Variants in CTSS observed in about 807,000 individuals in gnomAD.
CTSS encodes the protein cathepsin S.
Under a neutral mutation model 39.9 loss-of-function variants are expected in CTSS, and 15 were observed. The observed-to-expected ratio is 0.38, with a 90% CI of 0.25 to 0.58. The LOEUF (loss-of-function observed/expected upper bound fraction) is 0.58. Among genes scored for constraint, CTSS ranks in the 20% least tolerant of loss-of-function variants. The pLI, the probability that CTSS is intolerant of heterozygous loss-of-function variation, is 0.70. For synonymous variants in CTSS, 126 were observed against 138.2 expected (o/e 0.91, Z 0.62); for missense variants, 250 against 398.2 (o/e 0.63, Z 3.17).
chr1:150,761,005 C>T (rs1454755801), intron 2 of CTSS, among the ~76,000 whole-genome samples: 3 of 151,218 alleles, frequency 2.0e-5, no homozygotes, highest in East Asian at 1.9e-4. Flanking sequence ...ATGGTGAAAC[C>T]CCATCTCTAC....
chr1:150,742,062 C>T (rs1652779373), intron 7 of CTSS, among the ~76,000 whole-genome samples: 1 of 151,934 alleles, frequency 6.6e-6, no homozygotes, highest in South Asian at 2.1e-4. Flanking sequence ...CATGGTGAAA[C>T]TCCATCCAAC....
Position 150,745,994 on chromosome 1 carries a change from T to C in CTSS, c.896+1783A>G, listed in dbSNP as rs35319294. ...TGATTCCCAGAATCTGTTCATCTTA[T>C]ACCTGAAAGTTTACACTCTTTGATC... On this transcript the variant is annotated intron_variant, in intron 7 of 7. Coordinates refer to ENST00000368985, the MANE Select transcript of CTSS (RefSeq NM_004079.5). Among the ~76,000 whole-genome samples, 897 of 152,302 alleles carry C rather than the reference T, an allele frequency of 5.9e-3. 3 individuals are homozygous for C. Among genetic ancestry groups the C allele is most frequent in the Non-Finnish European group, 9.4e-3 (641 of 68,026 alleles).
Position 150,763,286 on chromosome 1 carries a change from C to T in CTSS, c.126+1352G>A, listed in dbSNP as rs1653302333. 2.6e-5 allele frequency among the ~76,000 whole-genome samples: 4 copies of T among 151,808 alleles called. No individual in the cohort carries two copies. In the South Asian group the frequency reaches 8.3e-4, roughly 32 times the overall value. On this transcript the variant is annotated intron_variant, in intron 2 of 7. Coordinates refer to ENST00000368985, the MANE Select transcript of CTSS (RefSeq NM_004079.5). Reference sequence around the variant, plus strand: ...AGAATGGTGGTTAGCAGAGGCTGGGCGGAGGGTAGACAGGGAAAGGGGAGA... The same window carrying T: ...AGAATGGTGGTTAGCAGAGGCTGGGTGGAGGGTAGACAGGGAAAGGGGAGA...
intron 6 of CTSS, among the ~76,000 whole-genome samples, chr1:150,748,495 G>A (rs1652939114): frequency 6.7e-6 from 1 of 149,980 alleles, no homozygotes; most frequent in African/African-American, 2.5e-5. Context: ...TTTTAAACTT[G>A]CATACAATCA....
chr1:150,742,312 A>G (rs1202661951), intron 7 of CTSS, among the ~76,000 whole-genome samples: 1 of 152,098 alleles, frequency 6.6e-6, no homozygotes, highest in Non-Finnish European at 1.5e-5. Flanking sequence ...AAGAATGCCC[A>G]TTTCACCAAG....
chr1:150,751,967 G>A lies in CTSS; in HGVS notation c.441C>T (p.Ala147=). Reference sequence around the variant, plus strand: ...TTTTCAGCTTCAGCTGTGCTTCCAGGGCCCCCACAGCACTGAAAGCCCAGC... The same window carrying A: ...TTTTCAGCTTCAGCTGTGCTTCCAGAGCCCCCACAGCACTGAAAGCCCAGC... ...GACWAFSAVG[A]LEAQLKLKTG... The change falls in exon 5 of 8, where the codon GCC becomes GCT. Residue 147 remains alanine, a synonymous_variant. Transcript: ENST00000368985. 1 of 1,614,082 alleles carries A rather than the reference G, an allele frequency of 6.2e-7. No homozygotes were observed. The highest frequency in any genetic ancestry group is 8.5e-7 in the Non-Finnish European group (1 of 1,180,022).
At position 150,733,086 on chromosome 1, in the gene CTSS, T is replaced by G; in HGVS notation, c.956A>C (p.His319Pro). 1.2e-6 allele frequency: 2 copies of G among 1,613,858 alleles called. No homozygotes were observed. Among genetic ancestry groups the G allele is most frequent in the East Asian group, 2.2e-5 (1 of 44,834 alleles). ...YIRMARNKGN[H>P]CGIASFPSYP... The stretch of plus-strand genomic sequence containing the variant: ...AGAGGGAAAGCTAGCAATCCCACAA[T>G]GATTTCCTTTATTTCTTGCCATCCG... The change falls in exon 8 of 8, where the codon CAT becomes CCT. Residue 319 changes from histidine to proline, a missense_variant. Physicochemically the swap from His to Pro is moderately conservative, Grantham distance 77 (BLOSUM62 -2). Coordinates refer to ENST00000368985, the MANE Select transcript of CTSS (RefSeq NM_004079.5).
chr1:150,757,932 C>A lies in CTSS; in HGVS notation c.175G>T (p.Val59Leu). 6.2e-7 allele frequency: 1 copy of A among 1,613,930 alleles called. No individual in the cohort carries two copies. Among genetic ancestry groups the A allele is most frequent in the Non-Finnish European group, 8.5e-7 (1 of 1,179,896 alleles). Residue 59 changes from valine to leucine, a missense_variant, in exon 3 of 8, where the codon GTG becomes TTG. By Grantham distance (32) the Val-to-Leu change is conservative. Coordinates refer to ENST00000368985, the MANE Select transcript of CTSS (RefSeq NM_004079.5). ...GAATGCTCCAGGTTGTGAAGCATCA[C>A]AAACTTTAGATTCTTTTCCCAGATG... ...RLIWEKNLKF[V>L]MLHNLEHSMG... is the part of the protein sequence containing the mutation.
rs752106590 is a variant in CTSS at position 150,755,118 on chromosome 1, G to A, written c.282C>T (p.Ser94=). The A allele has an allele frequency of 6.1e-5, 98 of 1,613,946 alleles. No homozygotes were observed. Among genetic ancestry groups the A allele is most frequent in the Non-Finnish European group, 7.8e-5 (92 of 1,180,016 alleles). ...TCTGCCACTGGCTGGGAACTCTCAG[G>A]GAACTCATCAAAGACATCACTTCTT... ...TSEEVMSLMS[S]LRVPSQWQRN... Residue 94 remains serine (S), a synonymous_variant, in exon 4 of 8, where the codon TCC becomes TCT. Coordinates refer to ENST00000368985, the MANE Select transcript of CTSS (RefSeq NM_004079.5).
intron 3 of CTSS, among the ~76,000 whole-genome samples, chr1:150,757,371 CAGTCTACCT>C (rs1419282981): frequency 6.6e-6 from 1 of 152,316 alleles, no homozygotes; most frequent in African/African-American, 2.4e-5. Context: ...AGAAGGAATT[CAGTCTACCT>C]AGGGCGTTCC....
intron 6 of CTSS, among the ~76,000 whole-genome samples, chr1:150,749,742 T>C (rs1203957993): frequency 6.6e-6 from 1 of 151,770 alleles, no homozygotes; most frequent in Non-Finnish European, 1.5e-5. Context: ...CTCAAATTCC[T>C]GGGTTCAAGG....
intron 4 of CTSS, 63 bp downstream of exon 4, chr1:150,754,938 A>T: frequency 1.3e-6 from 2 of 1,512,896 alleles, no homozygotes; most frequent in Non-Finnish European, 1.8e-6. Flanking sequence ...CAAATTCTGT[A>T]GCTAGACTAA....
At chr1:150,760,178 G>A (rs1653223398) in intron 2 of CTSS, among the ~76,000 whole-genome samples, 1 of 152,170 alleles carries the variant, frequency 6.6e-6, no homozygotes, top group Admixed American at 6.5e-5. Context: ...GCACATCTAA[G>A]TCCAGTCAAT....
intron 5 of CTSS, among the ~76,000 whole-genome samples, chr1:150,750,485 G>A (rs941073998): frequency 6.6e-6 from 1 of 152,120 alleles, no homozygotes; most frequent in African/African-American, 2.4e-5. Flanking sequence ...CTAGATGAGA[G>A]CTTTAAAATC....
rs150955279 is a variant in CTSS, at chr1:150,755,086, A to G, written c.314T>C (p.Ile105Thr). The change falls in exon 4 of 8, where the codon ATC becomes ACC. Residue 105 changes from isoleucine (I) to threonine (T), a missense_variant. Coordinates refer to ENST00000368985, the MANE Select transcript of CTSS (RefSeq NM_004079.5). ...CCGATTAGGGTTTGACTTATATGTGATATTTCTCTGCCACTGGCTGGGAAC... is the reference window on the plus strand; with the variant it reads ...CCGATTAGGGTTTGACTTATATGTGGTATTTCTCTGCCACTGGCTGGGAAC... ...LRVPSQWQRNITYKSNPNRIL... is the reference protein window; with the variant it reads ...LRVPSQWQRNTTYKSNPNRIL... The G allele has an allele frequency of 1.2e-6, 2 of 1,614,192 alleles. No homozygotes were observed. The highest frequency in any genetic ancestry group is 8.5e-7 in the Non-Finnish European group (1 of 1,180,026).
chr1:150,741,531 T>C (rs1342141466), intron 7 of CTSS, among the ~76,000 whole-genome samples: 1 of 152,208 alleles, frequency 6.6e-6, no homozygotes, highest in Non-Finnish European at 1.5e-5. Flanking sequence ...TATGAAAGTT[T>C]TCCCATATTT....
At chr1:150,741,029 T>A (rs2101912146) in intron 7 of CTSS, among the ~76,000 whole-genome samples, 1 of 152,124 alleles carries the variant, frequency 6.6e-6, no homozygotes, top group Admixed American at 6.6e-5. Flanking sequence ...TGACATAGGG[T>A]CCTGCTCTGT....
chr1:150,756,071 T>C (rs1189574188), intron 3 of CTSS, among the ~76,000 whole-genome samples: 1 of 152,206 alleles, frequency 6.6e-6, no homozygotes, highest in African/African-American at 2.4e-5. Flanking sequence ...TATCACCTTC[T>C]TCTATAAGCT....
intron 2 of CTSS, among the ~76,000 whole-genome samples, chr1:150,759,920 TG>T (rs1653217220): frequency 6.6e-6 from 1 of 152,040 alleles, no homozygotes; most frequent in Non-Finnish European, 1.5e-5. Context: ...AAGGTTTTAC[TG>T]TTACCCCAGT....
Sources: allele counts gnomAD v4.1 joint callset (sites outside exome capture counted in the v4.1 genomes callset), GRCh38; gene constraint gnomAD v4.1.1; transcripts MANE v1.5; gene names NCBI Gene and HGNC (gene_info 2026-07-23, HGNC 2026-07-21).